The following ZNF536 variants were observed in gnomAD, a reference collection of about 807,000 sequenced individuals.
ZNF536 encodes zinc finger protein 536.
Under a neutral mutation model 84.5 loss-of-function variants are expected in ZNF536, and 13 were observed. The ratio of observed to expected loss-of-function variants is 0.15; its 90% CI spans 0.10 to 0.24. The LOEUF is 0.24. ZNF536 is among the 10% of genes least tolerant of loss of function. ZNF536 has a pLI of 1.00. For missense variants in ZNF536, 1,536 were observed against 1,747.5 expected, an observed-to-expected ratio of 0.88 and a Z score of 2.16; for synonymous variants, 811 against 742.5, an observed-to-expected ratio of 1.09 and a Z score of -1.50.
At chr19:30,258,681 T>A (rs914169986) in intron 1 of ZNF536, among the ~76,000 whole-genome samples, 1 of 145,164 alleles carries the variant, frequency 6.9e-6, no homozygotes, top group African/African-American at 2.6e-5. Context: ...TCATCAAAAA[T>A]TTTTATTTTT....
intron 1 of ZNF536, among the ~76,000 whole-genome samples, chr19:30,429,042 T>A (rs943103436): frequency 6.6e-6 from 1 of 152,128 alleles, no homozygotes; most frequent in Non-Finnish European, 1.5e-5. Flanking sequence ...TGAGGCCACA[T>A]GGCTACCTGG....
At chr19:30,492,900 C>CA (rs2054563689) in intron 2 of ZNF536, among the ~76,000 whole-genome samples, 2 of 152,234 alleles carry the variant, frequency 1.3e-5, no homozygotes, top group South Asian at 2.1e-4. Context: ...CAAAGTCAGC[C>CA]ACACCTATCG....
Position 30,580,378 on chromosome 19 carries a change from C to A in ZNF536, c.169+30864C>A, listed in dbSNP as rs148114072. ...GCCCTTGATGGATGGGAAATGGTGTCTTTCAAGGCACTGGCATCCAGAGTC... is the reference window on the plus strand; with the variant it reads ...GCCCTTGATGGATGGGAAATGGTGTATTTCAAGGCACTGGCATCCAGAGTC... On this transcript the variant is annotated intron_variant, in intron 1 of 1. Coordinates refer to the ZNF536 transcript ENST00000592773. 5.4e-3 allele frequency among the ~76,000 whole-genome samples: 817 copies of A among 152,304 alleles called. 14 individuals are homozygous for A. Among genetic ancestry groups the A allele is most frequent in the African/African-American group, 0.019 (786 of 41,570 alleles).
chr19:30,392,416 A>G lies in ZNF536; in HGVS notation c.-3+19860A>G, dbSNP rs190872726. ...TTCATGCCCATGTGGAGACAACGCC[A>G]GGGTAGCCAGAGAAGGGTTGGAAGG... On this transcript the variant is annotated intron_variant, in intron 1 of 4. Transcript: ENST00000355537. Among the ~76,000 whole-genome samples the G allele has an allele frequency of 8.2e-4, 125 of 152,324 alleles. 2 individuals are homozygous for G. In the East Asian group the frequency reaches 9.1e-3, roughly 11 times the overall value.
chr19:30,345,802 C>A (rs910693311), intron 2 of ZNF536, among the ~76,000 whole-genome samples: 1 of 152,174 alleles, frequency 6.6e-6, no homozygotes, highest in Admixed American at 6.5e-5. Flanking sequence ...AGTGTCATCC[C>A]GGGGACTAGG....
Position 30,235,837 on chromosome 19 carries a change from C to T in ZNF536, c.-190+7164C>T, listed in dbSNP as rs562723529. ...AAGTGCTTTAATTATTTTGCTTCCCCGGCCAGGGCCCCCAGTTTTGGGGTT... is the reference window on the plus strand; with the variant it reads ...AAGTGCTTTAATTATTTTGCTTCCCTGGCCAGGGCCCCCAGTTTTGGGGTT... On this transcript the variant is annotated intron_variant, in intron 1 of 5. Coordinates refer to the ZNF536 transcript ENST00000585628. Among the ~76,000 whole-genome samples, 17 of 152,352 alleles carry T rather than the reference C, an allele frequency of 1.1e-4. No homozygotes were observed. The South Asian group carries it at 2.3e-3, about 20-fold the overall frequency.
intron 1 of ZNF536, among the ~76,000 whole-genome samples, chr19:30,595,528 T>C (rs1332472141): frequency 6.6e-6 from 1 of 152,076 alleles, no homozygotes; most frequent in Non-Finnish European, 1.5e-5. Context: ...CCTTAAGCAA[T>C]CCTCCCACCT....
intron 1 of ZNF536, among the ~76,000 whole-genome samples, chr19:30,594,604 C>T (rs577359787): frequency 3.6e-4 from 55 of 152,270 alleles, no homozygotes; most frequent in African/African-American, 1.2e-3. Flanking sequence ...ATTAGGCGCT[C>T]GTCTGCAGGA....
In ZNF536 at chr19:30,710,445, C is replaced by T. The variant is rs146586876; in HGVS notation, c.170-312C>T. On this transcript the variant is annotated intron_variant, in intron 1 of 1. Coordinates refer to the ZNF536 transcript ENST00000592773. ...GTCCCAGCTACTCTGGAGGCTAAGG[C>T]GGGAGGATGGCTTGAGCCCAGGAGT... Among the ~76,000 whole-genome samples the T allele has an allele frequency of 4.9e-3, 751 of 152,206 alleles. 9 individuals carry two copies. Among genetic ancestry groups the T allele is most frequent in the African/African-American group, 0.017 (702 of 41,522 alleles).
intron 1 of ZNF536, among the ~76,000 whole-genome samples, chr19:30,617,606 TC>T (rs2048350565): frequency 6.6e-6 from 1 of 152,042 alleles, no homozygotes; most frequent in African/African-American, 2.4e-5. Flanking sequence ...CACTGTGGCC[TC>T]CCAAAGTGCT....
intron 1 of ZNF536, among the ~76,000 whole-genome samples, chr19:30,625,732 C>T (rs1350973769): frequency 1.3e-5 from 2 of 152,194 alleles, no homozygotes; most frequent in Non-Finnish European, 2.9e-5. Flanking sequence ...GAAACAGTAA[C>T]CTGGATACAC....
At chr19:30,447,423 C>T (rs2052404513) in intron 2 of ZNF536, among the ~76,000 whole-genome samples, 1 of 152,296 alleles carries the variant, frequency 6.6e-6, no homozygotes, top group East Asian at 1.9e-4. Context: ...TCTGCACATT[C>T]CAGAGATTCC....
intron 2 of ZNF536, among the ~76,000 whole-genome samples, chr19:30,322,438 C>A (rs536171437): frequency 1.1e-4 from 16 of 152,256 alleles, no homozygotes; most frequent in Admixed American, 8.5e-4. Flanking sequence ...GTCCATCCTG[C>A]TTCACAAACC....
intron 2 of ZNF536, among the ~76,000 whole-genome samples, chr19:30,345,281 C>T (rs186484238): frequency 6.6e-6 from 1 of 152,362 alleles, no homozygotes; most frequent in African/African-American, 2.4e-5. Context: ...TTTCTCTGTT[C>T]CTGTCCCCAG....
chr19:30,626,127 G>A (rs1291796381), intron 1 of ZNF536, among the ~76,000 whole-genome samples: 3 of 152,196 alleles, frequency 2.0e-5, no homozygotes, highest in Admixed American at 1.3e-4. Flanking sequence ...CTATGGCAAG[G>A]AGCCGGGCAG....
chr19:30,267,245 T>C (rs949039989), intron 1 of ZNF536, among the ~76,000 whole-genome samples: 2 of 152,266 alleles, frequency 1.3e-5, no homozygotes, highest in African/African-American at 4.8e-5. Flanking sequence ...TGTCTATTTC[T>C]GTTCTTAAGT....
chr19:30,447,320 T>C (rs1181852167), intron 2 of ZNF536, among the ~76,000 whole-genome samples: 1 of 152,222 alleles, frequency 6.6e-6, no homozygotes, highest in African/African-American at 2.4e-5. Flanking sequence ...TTAAGCATAC[T>C]CTTCTTCTAG....
chr19:30,581,290 A>G (rs1016690223), intron 1 of ZNF536, among the ~76,000 whole-genome samples: 4 of 152,152 alleles, frequency 2.6e-5, no homozygotes, highest in African/African-American at 9.7e-5. Flanking sequence ...CAGTCTGGCC[A>G]ACACAGTGAA....
At chr19:30,226,757 G>A (rs1178581767), upstream of ZNF536, among the ~76,000 whole-genome samples, 1 of 152,208 alleles carries the variant, frequency 6.6e-6, no homozygotes, top group African/African-American at 2.4e-5. The surrounding 1 kb of genome is among the most constrained non-coding windows in gnomAD (Gnocchi z 4.6). Context: ...CAATCAGAGC[G>A]AGGAAGTGCG....
Sources: gnomAD v4.1 joint callset for allele counts (sites outside exome capture counted in the v4.1 genomes callset) on GRCh38, gnomAD v4.1.1 for gene constraint, Gnocchi (gnomAD v3.1) non-coding constraint, MANE v1.5 for transcripts, NCBI Gene and HGNC (gene_info 2026-07-23, HGNC 2026-07-21) for gene names.